The following CLDN3 variants were observed in gnomAD, a reference collection of about 807,000 sequenced individuals.
CLDN3 encodes the protein claudin-3.
Under a neutral mutation model 16.3 loss-of-function variants are expected in CLDN3, and 6 were observed. The observed-to-expected ratio is 0.37, with a 90% CI of 0.20 to 0.73. The LOEUF is 0.73. Ranked by LOEUF, CLDN3 falls within the 30% of genes least tolerant of loss-of-function variation. The pLI, the probability that CLDN3 is intolerant of heterozygous loss-of-function variation, is 0.52. For missense variants in CLDN3, 248 were observed against 305.2 expected (o/e 0.81, Z 1.40); for synonymous variants, 145 against 150.1 (o/e 0.97, Z 0.25).
Position 73,769,370 on chromosome 7 carries a change from C to T in CLDN3, c.*17G>A, listed in dbSNP as rs1320885515. The T allele has an allele frequency of 1.3e-6, 2 of 1,570,698 alleles. No individual in the cohort carries two copies. The highest frequency in any genetic ancestry group is 1.7e-6 in the Non-Finnish European group (2 of 1,165,146). The stretch of plus-strand genomic sequence containing the variant: ...TTGGTGGTGGTGGTGGTGGTGGGGT[C>T]TCCCTGCGTCTGTCCCTTAGACGTA... On this transcript the variant is annotated 3_prime_UTR_variant, in exon 1 of 1. Coordinates refer to ENST00000395145, the MANE Select transcript of CLDN3 (RefSeq NM_001306.4).
In CLDN3 at chr7:73,769,328, CGGTGGTGGTGGTGGTGTTGGT is replaced by C. The variant is rs1787005389; in HGVS notation, c.*38_*58del. The C allele has an allele frequency of 1.3e-6, 2 of 1,536,384 alleles. No homozygotes were observed. The highest frequency in any genetic ancestry group is 1.7e-6 in the Non-Finnish European group (2 of 1,148,138). On this transcript the variant is annotated 3_prime_UTR_variant, in exon 1 of 1. Coordinates refer to ENST00000395145, the MANE Select transcript of CLDN3 (RefSeq NM_001306.4). ...ATGGCCTGGTGCGCGCTCCAGCTCGCGGTGGTGGTGGTGGTGTTGGTGGTGGTGGTGGTGGTGGGGTCTCCC... is the reference window on the plus strand; with the variant it reads ...ATGGCCTGGTGCGCGCTCCAGCTCGCGGTGGTGGTGGTGGTGGGGTCTCCC...
rs200684386 is a variant in CLDN3, at chr7:73,769,438, G to T, written c.612C>A (p.Thr204=). ...TKVVYSAPRS[T]GPGASLGTGY... ...CTGTGCCCAGGCTGGCTCCCGGGCC[G>T]GTGGAGCGCGGCGCGGAGTAGACGA... Residue 204 remains threonine, a synonymous_variant, in exon 1 of 1, where the codon ACC becomes ACA. Transcript: ENST00000395145. 9.2e-5 allele frequency: 148 copies of T among 1,604,526 alleles called. No homozygotes were observed. The highest frequency in any genetic ancestry group is 5.1e-6 in the Non-Finnish European group (6 of 1,179,688).
At position 73,769,147 on chromosome 7, in the gene CLDN3, G is replaced by A; in HGVS notation, c.*240C>T. The A allele has an allele frequency of 9.5e-7, 1 of 1,053,082 alleles. No homozygotes were observed. The allele number at this position is 1,053,082 out of a possible 1,614,324, so 65.2% of individuals were successfully genotyped here. A position where few individuals can be genotyped will look rare whatever the true frequency, so the allele number is the denominator to read the frequency against. ...CACCCAGGCCCCGTGCTCCAGAAGG[G>A]TGAGGTTTCACAGTCCATGCAGGTT... On this transcript the variant is annotated 3_prime_UTR_variant, in exon 1 of 1. Coordinates refer to ENST00000395145, the MANE Select transcript of CLDN3 (RefSeq NM_001306.4).
rs1786997547 is a variant in CLDN3 at position 73,769,029 on chromosome 7, A to T, written c.*358T>A. The stretch of plus-strand genomic sequence containing the variant: ...CGAAAGGCTTTTATTGAAAAATATC[A>T]AGTGCCCCTTCCAGGGCTGCCGGTC... On this transcript the variant is annotated 3_prime_UTR_variant, in exon 1 of 1. Coordinates refer to ENST00000395145, the MANE Select transcript of CLDN3 (RefSeq NM_001306.4). 2.8e-6 allele frequency: 1 copy of T among 357,858 alleles called. No homozygotes were observed. The highest frequency in any genetic ancestry group is 5.0e-6 in the Non-Finnish European group (1 of 199,572). The allele number at this position is 357,858 out of a possible 1,614,324, so 22.2% of individuals were successfully genotyped here. A position where few individuals can be genotyped will look rare whatever the true frequency, so the allele number is the denominator to read the frequency against.
chr7:73,769,608 T>G lies in CLDN3; in HGVS notation c.442A>C (p.Asn148His). 6.2e-7 allele frequency: 1 copy of G among 1,611,784 alleles called. No individual in the cohort carries two copies. Among genetic ancestry groups the G allele is most frequent in the Non-Finnish European group, 8.5e-7 (1 of 1,179,190 alleles). The change falls in exon 1 of 1, where the codon AAC (asparagine) becomes CAC (histidine). Residue 148 changes from asparagine to histidine, a missense_variant. Asn to His is a moderately conservative substitution (Grantham distance 68). Transcript: ENST00000395145. Reference protein sequence around the residue: ...SANTIIRDFYNPVVPEAQKRE... With the variant: ...SANTIIRDFYHPVVPEAQKRE... ...TTCTGCGCCTCGGGCACCACGGGGT[T>G]GTAGAAGTCCCGGATAATGGTGTTG...
rs1416483757 is a variant in CLDN3, at chr7:73,770,188, T to C, written c.-139A>G. The stretch of plus-strand genomic sequence containing the variant: ...GGACTGACTCACCGACGGCGCGCGC[T>C]AACGGCTCGGCTCCATACGCTCTCG... On this transcript the variant is annotated 5_prime_UTR_variant, in exon 1 of 1. The change abolishes the stop of an existing upstream ORF in the 5' untranslated region. Transcript: ENST00000395145. This position sits in a 1 kb window ranked among gnomAD's most constrained non-coding sequence, Gnocchi z 5.7. The C allele has an allele frequency of 3.9e-6, 5 of 1,280,722 alleles. No individual in the cohort carries two copies. Among genetic ancestry groups the C allele is most frequent in the Non-Finnish European group, 5.0e-6 (5 of 991,672 alleles). 79.3% of individuals were successfully genotyped at this position (1,280,722 alleles called of 1,614,324 possible).
Position 73,770,181 on chromosome 7 carries a change from C to A in CLDN3, c.-132G>T, listed in dbSNP as rs1170326561. ...GACGGACGGACTGACTCACCGACGG[C>A]GCGCGCTAACGGCTCGGCTCCATAC... On this transcript the variant is annotated 5_prime_UTR_variant, in exon 1 of 1. Coordinates refer to ENST00000395145, the MANE Select transcript of CLDN3 (RefSeq NM_001306.4). This position sits in a 1 kb window ranked among gnomAD's most constrained non-coding sequence, Gnocchi z 5.7. The A allele has an allele frequency of 1.0e-5, 13 of 1,299,104 alleles. 1 individual carries two copies. The highest frequency in any genetic ancestry group is 9.9e-6 in the Non-Finnish European group (10 of 1,008,468). 80.5% of individuals were successfully genotyped at this position (1,299,104 alleles called of 1,614,324 possible). A position where few individuals can be genotyped will look rare whatever the true frequency, so the allele number is the denominator to read the frequency against.
rs1787032476 is a variant in CLDN3 at position 73,770,231 on chromosome 7, C to T, written c.-182G>A. The T allele has an allele frequency of 1.4e-5, 13 of 951,796 alleles. No individual in the cohort carries two copies. The East Asian group carries it at 4.0e-4, about 29-fold the overall frequency. The allele number at this position is 951,796 out of a possible 1,614,324, so 59.0% of individuals were successfully genotyped here. Reference sequence around the variant, plus strand: ...CGCTCTCGCCGCGGCTGCGCCTGCACCTGCCTGTGGCTTTGTGGGCGGGCG... The same window carrying T: ...CGCTCTCGCCGCGGCTGCGCCTGCATCTGCCTGTGGCTTTGTGGGCGGGCG... On this transcript the variant is annotated 5_prime_UTR_variant, in exon 1 of 1. The change creates a new upstream start codon in the 5' untranslated region. Coordinates refer to ENST00000395145, the MANE Select transcript of CLDN3 (RefSeq NM_001306.4). The surrounding 1 kb of genome is among the most constrained non-coding windows in gnomAD (Gnocchi z 5.7).
chr7:73,770,049 T>TG lies in CLDN3; in HGVS notation c.-1dup. On this transcript the variant is annotated 5_prime_UTR_variant, in exon 1 of 1. Transcript: ENST00000395145. This position sits in a 1 kb window ranked among gnomAD's most constrained non-coding sequence, Gnocchi z 5.7. ...CCCGTGATCTCCAGGCCCATGGACA[T>TG]GGCTGCCGCGGCAAGGCCCGCTCCA... The TG allele has an allele frequency of 6.5e-7, 1 of 1,545,138 alleles. No homozygotes were observed. The highest frequency in any genetic ancestry group is 1.4e-5 in the African/African-American group (1 of 72,104).
Position 73,770,023 on chromosome 7 carries a change from G to A in CLDN3, c.27C>T (p.Gly9=). 1 of 1,601,738 alleles carries A rather than the reference G, an allele frequency of 6.2e-7. No individual in the cohort carries two copies. The change falls in exon 1 of 1, where the codon GGC becomes GGT. Residue 9 remains glycine, a synonymous_variant. Transcript: ENST00000395145. This position sits in a 1 kb window ranked among gnomAD's most constrained non-coding sequence, Gnocchi z 5.7. ...GCCAGCCCAGCACGGCCAGCGCGGTGCCCGTGATCTCCAGGCCCATGGACA... is the reference window on the plus strand; with the variant it reads ...GCCAGCCCAGCACGGCCAGCGCGGTACCCGTGATCTCCAGGCCCATGGACA... The part of the protein sequence containing the change: MSMGLEIT[G]TALAVLGWLG...
Position 73,770,039 on chromosome 7 carries a change from C to A in CLDN3, c.11G>T (p.Gly4Val). Reference sequence around the variant, plus strand: ...CAGCGCGGTGCCCGTGATCTCCAGGCCCATGGACATGGCTGCCGCGGCAAG... The same window carrying A: ...CAGCGCGGTGCCCGTGATCTCCAGGACCATGGACATGGCTGCCGCGGCAAG... MSMGLEITGTALAV... is the reference protein window; with the variant it reads MSMVLEITGTALAV... The change falls in exon 1 of 1, where the codon GGC (glycine) becomes GTC (valine). Residue 4 changes from glycine (G) to valine (V), a missense_variant. By Grantham distance (109) the Gly-to-Val change is moderately radical. Coordinates refer to ENST00000395145, the MANE Select transcript of CLDN3 (RefSeq NM_001306.4). The surrounding 1 kb of genome is among the most constrained non-coding windows in gnomAD (Gnocchi z 5.7). 6.3e-7 allele frequency: 1 copy of A among 1,576,032 alleles called. No homozygotes were observed. The highest frequency in any genetic ancestry group is 2.3e-5 in the East Asian group (1 of 42,730).
In CLDN3 at chr7:73,769,201, G is replaced by A. The variant is rs1424526116; in HGVS notation, c.*186C>T. The stretch of plus-strand genomic sequence containing the variant: ...CCCTGGGCCCCGAAGTCGACTGCCC[G>A]GCCCGCAAAGCCGTGGCTGCTGGGG... On this transcript the variant is annotated 3_prime_UTR_variant, in exon 1 of 1. Coordinates refer to ENST00000395145, the MANE Select transcript of CLDN3 (RefSeq NM_001306.4). 3 of 1,406,018 alleles carry A rather than the reference G, an allele frequency of 2.1e-6. No homozygotes were observed. Among genetic ancestry groups the A allele is most frequent in the Non-Finnish European group, 2.8e-6 (3 of 1,079,660 alleles). The allele number at this position is 1,406,018 out of a possible 1,614,324, so 87.1% of individuals were successfully genotyped here.
rs148444002 is a variant in CLDN3, at chr7:73,769,390, G to A, written c.660C>T (p.Val220=). Residue 220 remains valine (V), a synonymous_variant, in exon 1 of 1, where the codon GTC becomes GTT. Coordinates refer to ENST00000395145, the MANE Select transcript of CLDN3 (RefSeq NM_001306.4). ...LGTGYDRKDY[V] is the part of the protein sequence containing the mutation. ...GGGGTCTCCCTGCGTCTGTCCCTTA[G>A]ACGTAGTCCTTGCGGTCGTAGCCTG... 4.1e-3 allele frequency: 6,473 copies of A among 1,596,022 alleles called. 21 individuals are homozygous for A. The highest frequency in any genetic ancestry group is 5.2e-3 in the Non-Finnish European group (6,097 of 1,178,056).
At position 73,769,768 on chromosome 7, in the gene CLDN3, C is replaced by T. The variant is rs1554626716; in HGVS notation, c.282G>A (p.Leu94=). The change falls in exon 1 of 1, where the codon CTG becomes CTA. Residue 94 remains leucine (L), a synonymous_variant. Coordinates refer to ENST00000395145, the MANE Select transcript of CLDN3 (RefSeq NM_001306.4). ...ACTGGGCGCCCACCAGCGCCACTAG[C>T]AGCCCGAAGGCGGCCAGCAGGATGG... ...VVAILLAAFG[L]LVALVGAQCT... 1 of 1,611,256 alleles carries T rather than the reference C, an allele frequency of 6.2e-7. No individual in the cohort carries two copies. Among genetic ancestry groups the T allele is most frequent in the Non-Finnish European group, 8.5e-7 (1 of 1,178,870 alleles).
In CLDN3 at chr7:73,769,897, C is replaced by T. The variant is rs200567790; in HGVS notation, c.153G>A (p.Met51Ile). ...GGCCGGTGCTCTGCACCACGCAGTT[C>T]ATCCACAGGCCCTCCCAGATGTTCT... Reference protein sequence around the residue: ...TSQNIWEGLWMNCVVQSTGQM... With the variant: ...TSQNIWEGLWINCVVQSTGQM... Residue 51 changes from methionine to isoleucine, a missense_variant, in exon 1 of 1, where the codon ATG (methionine) becomes ATA (isoleucine). Transcript: ENST00000395145. 3.5e-5 allele frequency: 56 copies of T among 1,613,142 alleles called. No individual in the cohort carries two copies. The East Asian group carries it at 1.1e-3, about 31-fold the overall frequency.
Position 73,769,786 on chromosome 7 carries a change from C to G in CLDN3, c.264G>C (p.Leu88=). The change falls in exon 1 of 1, where the codon CTG becomes CTC. Residue 88 remains leucine (L), a synonymous_variant. Transcript: ENST00000395145. ...CCACTAGCAGCCCGAAGGCGGCCAG[C>G]AGGATGGCCACCACGATGAGGGCGC... is the stretch of plus-strand genomic sequence containing the variant. ...AARALIVVAI[L]LAAFGLLVAL... is the part of the protein sequence containing the mutation. 1 of 1,611,616 alleles carries G rather than the reference C, an allele frequency of 6.2e-7. No homozygotes were observed. Among genetic ancestry groups the G allele is most frequent in the East Asian group, 2.2e-5 (1 of 44,840 alleles).
rs782631677 is a variant in CLDN3 at position 73,769,035 on chromosome 7, C to G, written c.*352G>C. ...GCTTTTATTGAAAAATATCAAGTGC[C>G]CCTTCCAGGGCTGCCGGTCCCTGCC... On this transcript the variant is annotated 3_prime_UTR_variant, in exon 1 of 1. Coordinates refer to ENST00000395145, the MANE Select transcript of CLDN3 (RefSeq NM_001306.4). 52 of 383,846 alleles carry G rather than the reference C, an allele frequency of 1.4e-4. 1 individual carries two copies. The highest frequency in any genetic ancestry group is 2.8e-5 in the Non-Finnish European group (6 of 216,890). 23.8% of individuals were successfully genotyped at this position (383,846 alleles called of 1,614,324 possible). A position where few individuals can be genotyped will look rare whatever the true frequency, so the allele number is the denominator to read the frequency against.
In CLDN3 at chr7:73,770,203, A is replaced by T. The variant is rs1659257969; in HGVS notation, c.-154T>A. 8.4e-7 allele frequency: 1 copy of T among 1,189,890 alleles called. No individual in the cohort carries two copies. Among genetic ancestry groups the T allele is most frequent in the Non-Finnish European group, 1.1e-6 (1 of 913,398 alleles). The allele number at this position is 1,189,890 out of a possible 1,614,324, so 73.7% of individuals were successfully genotyped here. A position where few individuals can be genotyped will look rare whatever the true frequency, so the allele number is the denominator to read the frequency against. On this transcript the variant is annotated 5_prime_UTR_variant, in exon 1 of 1. It removes an upstream start codon present in the reference 5' UTR. Coordinates refer to ENST00000395145, the MANE Select transcript of CLDN3 (RefSeq NM_001306.4). The surrounding 1 kb of genome is among the most constrained non-coding windows in gnomAD (Gnocchi z 5.7). ...CGGCGCGCGCTAACGGCTCGGCTCC[A>T]TACGCTCTCGCCGCGGCTGCGCCTG...
rs1267058510 is a variant in CLDN3 at position 73,769,978 on chromosome 7, G to A, written c.72C>T (p.Cys24=). ...VLGWLGTIVC[C]ALPMWRVSAF... is the part of the protein sequence containing the mutation. ...CCGACACGCGCCACATGGGCAACGC[G>A]CAGCACACGATGGTGCCCAGCCAGC... The change falls in exon 1 of 1, where the codon TGC becomes TGT. Residue 24 remains cysteine (C), a synonymous_variant. Coordinates refer to ENST00000395145, the MANE Select transcript of CLDN3 (RefSeq NM_001306.4). The A allele has an allele frequency of 6.2e-7, 1 of 1,613,130 alleles. No individual in the cohort carries two copies. Among genetic ancestry groups the A allele is most frequent in the Non-Finnish European group, 8.5e-7 (1 of 1,179,826 alleles).
Sources: allele counts gnomAD v4.1 joint callset, GRCh38; gene constraint gnomAD v4.1.1; non-coding constraint Gnocchi (gnomAD v3.1); transcripts MANE v1.5; gene names NCBI Gene and HGNC (gene_info 2026-07-23, HGNC 2026-07-21).